ZFYVE9: variants seen among roughly 807,000 people sequenced by gnomAD.
ZFYVE9 encodes zinc finger FYVE domain-containing protein 9.
Under a neutral mutation model 126.7 loss-of-function variants are expected in ZFYVE9, and 43 were observed. The ratio of observed to expected loss-of-function variants is 0.34; its 90% CI spans 0.27 to 0.44. ZFYVE9 has a LOEUF of 0.44. Among genes scored for constraint, ZFYVE9 ranks in the 20% least tolerant of loss-of-function variants. The pLI is 1.00. For synonymous variants in ZFYVE9, 521 were observed against 597.4 expected (o/e 0.87, Z 1.87); for missense variants, 1,476 against 1,697.0 (o/e 0.87, Z 2.29).
At chr1:52,298,338 G>A (rs1490951673) in intron 12 of ZFYVE9, among the ~76,000 whole-genome samples, 1 of 152,040 alleles carries the variant, frequency 6.6e-6, no homozygotes, top group Admixed American at 6.6e-5. Flanking sequence ...GGGAGAGGTG[G>A]GGGTCTAGTT....
At chr1:52,187,579 A>G (rs778130178) in intron 1 of ZFYVE9, among the ~76,000 whole-genome samples, 1 of 152,260 alleles carries the variant, frequency 6.6e-6, no homozygotes, top group Non-Finnish European at 1.5e-5. Context: ...TCTGATATCT[A>G]GCATCTAAAA....
intron 10 of ZFYVE9, among the ~76,000 whole-genome samples, chr1:52,288,855 G>T (rs1432008873): frequency 2.6e-5 from 4 of 151,178 alleles, no homozygotes; most frequent in Admixed American, 2.6e-4. Context: ...GAACCCGGGA[G>T]GCGGAGGTTT....
chr1:52,270,372 T>A (rs1474704678), intron 7 of ZFYVE9, among the ~76,000 whole-genome samples: 1 of 152,310 alleles, frequency 6.6e-6, no homozygotes, highest in African/African-American at 2.4e-5. Context: ...CACGCCATTC[T>A]CCTGCCTCAG....
intron 13 of ZFYVE9, among the ~76,000 whole-genome samples, chr1:52,307,770 G>A (rs568635456): frequency 6.4e-5 from 8 of 125,732 alleles, no homozygotes; most frequent in Non-Finnish European, 3.3e-5. Context: ...TTTTTTTTCT[G>A]ATACGGAGTC....
intron 9 of ZFYVE9, among the ~76,000 whole-genome samples, chr1:52,280,188 G>C (rs1156923110): frequency 6.8e-6 from 1 of 146,438 alleles, no homozygotes; most frequent in African/African-American, 2.6e-5. Context: ...ACTAGCCTGG[G>C]CAACATGGTG....
chr1:52,265,733 T>G (rs975685245), intron 5 of ZFYVE9, among the ~76,000 whole-genome samples: 1 of 152,174 alleles, frequency 6.6e-6, no homozygotes, highest in African/African-American at 2.4e-5. Flanking sequence ...AGGGTGATGA[T>G]TACATAAAAG....
At chr1:52,231,912 C>A (rs1645226395) in intron 2 of ZFYVE9, among the ~76,000 whole-genome samples, 1 of 152,120 alleles carries the variant, frequency 6.6e-6, no homozygotes, top group African/African-American at 2.4e-5. Flanking sequence ...CAGGCATGAG[C>A]CACGACGCCT....
At chr1:52,167,594 G>A (rs570123988) in intron 1 of ZFYVE9, among the ~76,000 whole-genome samples, 1 of 152,152 alleles carries the variant, frequency 6.6e-6, no homozygotes, top group Admixed American at 6.5e-5. Flanking sequence ...GTACAAAAAC[G>A]TATACAAATC....
intron 13 of ZFYVE9, among the ~76,000 whole-genome samples, chr1:52,308,368 G>A (rs1646105883): frequency 2.0e-5 from 3 of 151,758 alleles, no homozygotes; most frequent in African/African-American, 7.3e-5. Context: ...TTTTTGTTTT[G>A]TAGAGAGAGG....
intron 13 of ZFYVE9, among the ~76,000 whole-genome samples, chr1:52,318,245 C>T (rs1646204355): frequency 6.6e-6 from 1 of 151,982 alleles, no homozygotes; most frequent in African/African-American, 2.4e-5. Flanking sequence ...GTTTAACATT[C>T]AAAACTCATT....
At chr1:52,326,163 G>T (rs1646289402) in intron 13 of ZFYVE9, among the ~76,000 whole-genome samples, 1 of 152,192 alleles carries the variant, frequency 6.6e-6, no homozygotes, top group Non-Finnish European at 1.5e-5. Flanking sequence ...TGTTACAGCA[G>T]TTGTTTCTCT....
At chr1:52,177,231 C>T (rs914547296) in intron 1 of ZFYVE9, among the ~76,000 whole-genome samples, 11 of 151,544 alleles carry the variant, frequency 7.3e-5, no homozygotes, top group African/African-American at 2.4e-4. Context: ...CTCACTGCAA[C>T]CTCTGCCTCC....
At chr1:52,163,540 A>G (rs1291726905) in intron 1 of ZFYVE9, among the ~76,000 whole-genome samples, 2 of 152,138 alleles carry the variant, frequency 1.3e-5, no homozygotes, top group Admixed American at 6.5e-5. Flanking sequence ...TCTGTTAGAG[A>G]TGATTTAGTT....
At chr1:52,274,307 GT>G (rs890037005) in intron 7 of ZFYVE9, among the ~76,000 whole-genome samples, 156 bp from the exon 8 acceptor site, 1 of 151,602 alleles carries the variant, frequency 6.6e-6, no homozygotes, top group African/African-American at 2.4e-5. Context: ...TTGTTTTTTT[GT>G]TTTTTTTAAT....
chr1:52,298,171 A>G (rs572048125), intron 12 of ZFYVE9, among the ~76,000 whole-genome samples: 3 of 151,954 alleles, frequency 2.0e-5, no homozygotes, highest in Admixed American at 1.3e-4. Context: ...CCATTTGTCT[A>G]TTTTTGCTTT....
intron 2 of ZFYVE9, among the ~76,000 whole-genome samples, chr1:52,230,471 C>G (rs1342098083): frequency 6.7e-6 from 1 of 150,056 alleles, no homozygotes. Context: ...CAGACCACCA[C>G]AGCACACATA....
chr1:52,332,308 A>G (rs940893976), intron 13 of ZFYVE9, among the ~76,000 whole-genome samples: 1 of 152,174 alleles, frequency 6.6e-6, no homozygotes, highest in African/African-American at 2.4e-5. Context: ...AGTTAGTAAA[A>G]TTAAGAAACA....
chr1:52,278,345 A>G lies in ZFYVE9; in HGVS notation c.2747-147A>G, dbSNP rs893562970. On this transcript the variant is annotated intron_variant, in intron 8 of 18. Coordinates refer to ENST00000287727, the MANE Select transcript of ZFYVE9 (RefSeq NM_004799.4). ...GGCACTATTAATTTGATACTGAGCC[A>G]GCAGATACAAACCATGCTCTGTATG... The G allele has an allele frequency of 3.0e-6, 3 of 985,554 alleles. No homozygotes were observed. In the African/African-American group the frequency reaches 4.9e-5, roughly 16 times the overall value. 61.1% of individuals were successfully genotyped at this position (985,554 alleles called of 1,614,324 possible).
chr1:52,188,897 A>C (rs1485923343), intron 1 of ZFYVE9, among the ~76,000 whole-genome samples: 2 of 152,090 alleles, frequency 1.3e-5, no homozygotes, highest in Non-Finnish European at 2.9e-5. Flanking sequence ...TTTCACAGTC[A>C]TGCGGTAATC....
Sources: allele counts gnomAD v4.1 joint callset (sites outside exome capture counted in the v4.1 genomes callset), GRCh38; gene constraint gnomAD v4.1.1; transcripts MANE v1.5; gene names NCBI Gene and HGNC (gene_info 2026-07-23, HGNC 2026-07-21).